Variants in SETDB1 observed in about 807,000 individuals in gnomAD.
SETDB1 encodes the protein histone-lysine N-methyltransferase SETDB1.
SETDB1 carries 31 observed loss-of-function variants against 137.4 expected under a neutral mutation model. The observed-to-expected ratio is 0.23, with a 90% confidence interval of 0.17 to 0.30. The LOEUF is 0.30. SETDB1 is among the 10% of genes least tolerant of loss of function. The pLI is 1.00. For synonymous variants in SETDB1, 548 were observed against 579.9 expected, an observed-to-expected ratio of 0.95 and a Z score of 0.79; for missense variants, 1,113 against 1,631.5, an observed-to-expected ratio of 0.68 and a Z score of 5.47.
At position 150,949,394 on chromosome 1, in the gene SETDB1, A is replaced by G; in HGVS notation, c.1452A>G (p.Ser484=). The change falls in exon 12 of 22, where the codon TCA becomes TCG. Residue 484 remains serine (S), a synonymous_variant. Transcript: ENST00000692827. The part of the protein sequence containing the change: ...SESLESQLAQ[S]RKQVAKKSTS... ...GCTTGGAAAGCCAGCTTGCCCAGTC[A>G]CGGAAGCAGGTAGCCAAAAAGAGCA... 1 of 1,614,208 alleles carries G rather than the reference A, an allele frequency of 6.2e-7. No individual in the cohort carries two copies. The highest frequency in any genetic ancestry group is 1.6e-4 in the Middle Eastern group (1 of 6,062).
chr1:150,963,563 C>T lies in SETDB1; in HGVS notation c.3494C>T (p.Thr1165Ile), dbSNP rs1430166531. ...PMKRQVAVKS[T>I]RGFALKSTHG... ...AAGCGTCAAGTGGCAGTAAAATCAA[C>T]CCGAGGCTTTGCTCTTAAATCAACC... The change falls in exon 20 of 22, where the codon ACC (threonine) becomes ATC (isoleucine). Residue 1165 changes from threonine to isoleucine, a missense_variant. Thr to Ile is a moderately conservative substitution (Grantham distance 89). This residue lies in a region of SETDB1 where 373 missense variants were observed against 412.7 expected (regional missense o/e 0.90). Transcript: ENST00000692827. 1.2e-6 allele frequency: 2 copies of T among 1,613,928 alleles called. No individual in the cohort carries two copies. Among genetic ancestry groups the T allele is most frequent in the Non-Finnish European group, 1.7e-6 (2 of 1,179,852 alleles).
rs760978435 is a variant in SETDB1 at position 150,931,278 on chromosome 1, AAAAG to A, written c.412+1161_412+1164del. On this transcript the variant is annotated intron_variant, in intron 3 of 21. Coordinates refer to ENST00000692827, the MANE Select transcript of SETDB1 (RefSeq NM_001366418.1). ...CTTGTCTTCAAAAAAAAAAAAAAAA[AAAAG>A]GGTTTCCAGAACAGACATCCTGGCC... 2.6e-3 allele frequency among the ~76,000 whole-genome samples: 370 copies of A among 144,172 alleles called. 14 individuals are homozygous for A. Among genetic ancestry groups the A allele is most frequent in the Non-Finnish European group, 3.5e-3 (237 of 67,188 alleles). The allele number at this position is 144,172 out of a possible 152,430, so 94.6% of individuals were successfully genotyped here.
chr1:150,954,926 T>G (rs980250308), intron 14 of SETDB1, among the ~76,000 whole-genome samples: 6 of 152,188 alleles, frequency 3.9e-5, no homozygotes, highest in Non-Finnish European at 5.9e-5. Flanking sequence ...GAAAGAGGCT[T>G]CCAGGCTGAC....
intron 3 of SETDB1, among the ~76,000 whole-genome samples, chr1:150,939,002 A>C (rs1670044001): frequency 6.6e-6 from 1 of 152,028 alleles, no homozygotes; most frequent in African/African-American, 2.4e-5. Context: ...GCAATGGTGC[A>C]GTCTTGGCTT....
chr1:150,963,498 T>C (rs755470834), intron 19 of SETDB1, 32 bp from the exon 20 acceptor site: 9 of 1,537,054 alleles, frequency 5.9e-6, no homozygotes, highest in Admixed American at 1.8e-5. Context: ...TGAGTTGGGA[T>C]GGGTCCTGAC....
intron 3 of SETDB1, among the ~76,000 whole-genome samples, chr1:150,935,746 G>A (rs1441452846): frequency 6.6e-6 from 1 of 152,094 alleles, no homozygotes; most frequent in African/African-American, 2.4e-5. Flanking sequence ...TGTTGATTAA[G>A]TATTAGTATA....
At chr1:150,941,985 C>G (rs1558016524) in intron 5 of SETDB1, among the ~76,000 whole-genome samples, 1 of 150,774 alleles carries the variant, frequency 6.6e-6, no homozygotes, top group African/African-American at 2.4e-5. Context: ...ATTAAAAATA[C>G]AAAAATTAGC....
chr1:150,937,198 G>GA (rs889534720), intron 3 of SETDB1, among the ~76,000 whole-genome samples: 264 of 61,434 alleles, frequency 4.3e-3, no homozygotes, highest in Middle Eastern at 8.9e-3. Context: ...AAAAAAAAAA[G>GA]AAAAAAAAAA....
intron 3 of SETDB1, among the ~76,000 whole-genome samples, chr1:150,931,883 T>C (rs75952620): frequency 0.064 from 9,692 of 151,976 alleles, 490 homozygotes; most frequent in Non-Finnish European, 0.092. Flanking sequence ...TTTGAGAGAT[T>C]TTATCATAGC....
At chr1:150,959,423 TAAG>T (rs1670751331) in intron 15 of SETDB1, 76 bp downstream of exon 15, 2 of 1,291,678 alleles carry the variant, frequency 1.5e-6, no homozygotes, top group Middle Eastern at 1.9e-4. Flanking sequence ...AAATTGAACA[TAAG>T]AAGAAAGTGC....
chr1:150,939,788 T>C, intron 3 of SETDB1, 152 bp from the exon 4 acceptor site: 1 of 569,952 alleles, frequency 1.8e-6, no homozygotes, highest in Non-Finnish European at 3.1e-6. Context: ...TTTTGAGTAC[T>C]TTATATTTGT....
chr1:150,955,749 G>T (rs1670616388), intron 14 of SETDB1, among the ~76,000 whole-genome samples: 1 of 151,972 alleles, frequency 6.6e-6, no homozygotes, highest in Admixed American at 6.6e-5. Flanking sequence ...CTGTCTCTTT[G>T]TCTTGCTAAC....
intron 3 of SETDB1, among the ~76,000 whole-genome samples, chr1:150,933,506 A>C (rs1669832766): frequency 6.6e-6 from 1 of 151,090 alleles, no homozygotes; most frequent in Non-Finnish European, 1.5e-5. Context: ...CTTCCTGAGT[A>C]GCTGGGACCA....
At chr1:150,952,505 T>G (rs369033744) in intron 14 of SETDB1, among the ~76,000 whole-genome samples, 1 of 152,140 alleles carries the variant, frequency 6.6e-6, no homozygotes, top group African/African-American at 2.4e-5. Flanking sequence ...TCTTAGTGGT[T>G]GTTGGTGCTT....
intron 11 of SETDB1, 38 bp from the exon 12 acceptor site, chr1:150,949,329 A>G: frequency 1.2e-6 from 2 of 1,612,778 alleles, no homozygotes; most frequent in Non-Finnish European, 1.7e-6. Context: ...TATATTTTCC[A>G]CATCCCTTAC....
At chr1:150,943,276 G>C (rs1333621957) in intron 7 of SETDB1, among the ~76,000 whole-genome samples, 3 of 152,072 alleles carry the variant, frequency 2.0e-5, no homozygotes, top group African/African-American at 7.2e-5. Flanking sequence ...ACTAGGAAGA[G>C]AATAATGAGG....
chr1:150,943,811 T>G (rs1670235683), intron 7 of SETDB1, 109 bp from the exon 8 acceptor site: 2 of 682,414 alleles, frequency 2.9e-6, no homozygotes, highest in East Asian at 2.6e-5. Flanking sequence ...TTCCCTGGAG[T>G]GCATCGTGTT....
At chr1:150,931,261 C>CAAAAAAA (rs767694682) in intron 3 of SETDB1, among the ~76,000 whole-genome samples, 25 of 67,506 alleles carry the variant, frequency 3.7e-4, no homozygotes, top group Non-Finnish European at 3.6e-4. Flanking sequence ...CTCTTGTCTT[C>CAAAAAAA]AAAAAAAAAA....
chr1:150,943,520 A>G (rs1670226675), intron 7 of SETDB1, among the ~76,000 whole-genome samples: 1 of 152,168 alleles, frequency 6.6e-6, no homozygotes, highest in Non-Finnish European at 1.5e-5. Flanking sequence ...TACTAAAAAT[A>G]CAAAAATTAG....
Sources: allele counts gnomAD v4.1 joint callset (sites outside exome capture counted in the v4.1 genomes callset), GRCh38; gene constraint gnomAD v4.1.1; regional missense constraint gnomAD v4.1.1; transcripts MANE v1.5; gene names NCBI Gene and HGNC (gene_info 2026-07-23, HGNC 2026-07-21).